Variants in CDIN1 observed in about 807,000 individuals in gnomAD.
CDIN1 encodes CDAN1-interacting nuclease 1.
In CDIN1, 33 loss-of-function variants were observed where a neutral mutation model predicts 45.3. The ratio of observed to expected loss-of-function variants is 0.73; its 90% confidence interval spans 0.55 to 0.97. The LOEUF (loss-of-function observed/expected upper bound fraction) is 0.97, where lower values mean the gene tolerates loss of function less well. CDIN1 is among the 50% of genes least tolerant of loss of function. The pLI is 0.00. For synonymous variants in CDIN1, 118 were observed against 124.4 expected (o/e 0.95, Z 0.34); for missense variants, 303 against 339.4 (o/e 0.89, Z 0.84).
At chr15:36,805,352 G>A (rs752912757) in intron 10 of CDIN1, among the ~76,000 whole-genome samples, 1 of 152,110 alleles carries the variant, frequency 6.6e-6, no homozygotes, top group Non-Finnish European at 1.5e-5. Context: ...CTCAGTAGCA[G>A]ACCAACCTCT....
intron 10 of CDIN1, among the ~76,000 whole-genome samples, chr15:36,767,033 T>C (rs1284462329): frequency 6.6e-6 from 1 of 152,204 alleles, no homozygotes; most frequent in African/African-American, 2.4e-5. Context: ...AGGAAGCTTT[T>C]TCCCTATGCT....
chr15:36,719,429 A>G (rs76219235), intron 10 of CDIN1, among the ~76,000 whole-genome samples: 7,143 of 152,220 alleles, frequency 0.047, 587 homozygotes, highest in African/African-American at 0.16. Flanking sequence ...ATACTGATTG[A>G]TATTTTAATG....
intron 10 of CDIN1, among the ~76,000 whole-genome samples, chr15:36,712,513 C>T: frequency 6.6e-6 from 1 of 152,010 alleles, no homozygotes; most frequent in East Asian, 1.9e-4. Flanking sequence ...ATCCACCTTC[C>T]TTGGTCTCCC....
intron 1 of CDIN1, among the ~76,000 whole-genome samples, chr15:36,632,837 A>C (rs2039736448): frequency 6.6e-6 from 1 of 152,210 alleles, no homozygotes; most frequent in South Asian, 2.1e-4. Context: ...TAATGTGTTG[A>C]AGTTATTAGG....
At chr15:36,777,406 G>GAA (rs61343212) in intron 10 of CDIN1, among the ~76,000 whole-genome samples, 22 of 118,732 alleles carry the variant, frequency 1.9e-4, no homozygotes, top group East Asian at 9.7e-4. Flanking sequence ...TTTTAGATCT[G>GAA]AAAAAAAAAA....
intron 1 of CDIN1, among the ~76,000 whole-genome samples, chr15:36,583,269 A>G (rs1043454254): frequency 2.0e-5 from 3 of 152,056 alleles, no homozygotes; most frequent in Admixed American, 6.6e-5. Flanking sequence ...TTTATTCTTA[A>G]TTTTTAAATC....
At chr15:36,593,840 A>G (rs1431921916) in intron 1 of CDIN1, among the ~76,000 whole-genome samples, 1 of 152,212 alleles carries the variant, frequency 6.6e-6, no homozygotes, top group Non-Finnish European at 1.5e-5. Context: ...CTGGGATTAC[A>G]GGCTTGAGCC....
At chr15:36,652,462 G>T (rs1023027373) in intron 3 of CDIN1, among the ~76,000 whole-genome samples, 2 of 152,168 alleles carry the variant, frequency 1.3e-5, no homozygotes, top group Admixed American at 6.6e-5. Context: ...CAGCTGGTCT[G>T]ACTTGACTGA....
chr15:36,636,500 C>T (rs891220836), intron 1 of CDIN1, among the ~76,000 whole-genome samples: 1 of 151,986 alleles, frequency 6.6e-6, no homozygotes, highest in African/African-American at 2.4e-5. Context: ...TGCAGTGAGC[C>T]GAGATGGTGC....
chr15:36,724,904 A>C (rs913537263), intron 10 of CDIN1, among the ~76,000 whole-genome samples: 2 of 152,164 alleles, frequency 1.3e-5, no homozygotes, highest in African/African-American at 2.4e-5. Context: ...ATGTGGGTTT[A>C]GAAAGTTGTA....
At chr15:36,691,274 G>C (rs752496526) in intron 5 of CDIN1, 18 of 489,624 alleles carry the variant, frequency 3.7e-5, no homozygotes, top group Middle Eastern at 8.8e-4. Flanking sequence ...AGACAGGTCA[G>C]ATTCAAAGAC....
intron 1 of CDIN1, among the ~76,000 whole-genome samples, chr15:36,615,851 A>G (rs1444243659): frequency 6.6e-6 from 1 of 152,212 alleles, no homozygotes; most frequent in African/African-American, 2.4e-5. Flanking sequence ...TTGGGGCATT[A>G]TATAATTGTC....
chr15:36,619,936 T>G (rs1316297262), intron 1 of CDIN1, among the ~76,000 whole-genome samples: 2 of 152,068 alleles, frequency 1.3e-5, no homozygotes, highest in African/African-American at 4.8e-5. Flanking sequence ...AGTTTGAAAT[T>G]GAGTCTGTCT....
intron 10 of CDIN1, among the ~76,000 whole-genome samples, chr15:36,767,286 G>T (rs1047373696): frequency 1.3e-5 from 2 of 152,136 alleles, no homozygotes; most frequent in Non-Finnish European, 2.9e-5. Context: ...GTCTCAGTCT[G>T]TTCTCTGTTC....
intron 4 of CDIN1, among the ~76,000 whole-genome samples, chr15:36,657,428 T>G (rs2040822086): frequency 6.6e-6 from 1 of 152,134 alleles, no homozygotes; most frequent in Non-Finnish European, 1.5e-5. Context: ...CAAAAAGGGC[T>G]TATTATTTGA....
chr15:36,760,101 C>T (rs1203653249), intron 10 of CDIN1, among the ~76,000 whole-genome samples: 1 of 152,172 alleles, frequency 6.6e-6, no homozygotes, highest in African/African-American at 2.4e-5. Context: ...ATAAATATAG[C>T]TCTATGTGAC....
chr15:36,786,196 G>A (rs1463502536), intron 10 of CDIN1, among the ~76,000 whole-genome samples: 1 of 152,242 alleles, frequency 6.6e-6, no homozygotes, highest in African/African-American at 2.4e-5. Flanking sequence ...AAGCTGTAAG[G>A]CTGAAAATAT....
chr15:36,747,954 T>G (rs1305727572), intron 10 of CDIN1, among the ~76,000 whole-genome samples: 2 of 152,138 alleles, frequency 1.3e-5, no homozygotes, highest in East Asian at 1.9e-4. Flanking sequence ...TTTTAAAAAT[T>G]TAACCATGAA....
At chr15:36,670,832 A>G (rs2041422321) in intron 5 of CDIN1, among the ~76,000 whole-genome samples, 1 of 152,106 alleles carries the variant, frequency 6.6e-6, no homozygotes, top group Non-Finnish European at 1.5e-5. Flanking sequence ...TTCTTTAGGA[A>G]TATTCCTTTA....
Sources: gnomAD v4.1 joint callset for allele counts (sites outside exome capture counted in the v4.1 genomes callset) on GRCh38, gnomAD v4.1.1 for gene constraint, MANE v1.5 for transcripts, NCBI Gene and HGNC (gene_info 2026-07-23, HGNC 2026-07-21) for gene names.